The following PIEZO2 variants were observed in gnomAD, a reference collection of about 807,000 sequenced individuals.
The protein encoded by PIEZO2 is piezo type mechanosensitive ion channel component 2.
Under a neutral mutation model 337.3 loss-of-function variants are expected in PIEZO2, and 172 were observed. The observed-to-expected ratio is 0.51, with a 90% CI of 0.45 to 0.58. The LOEUF is 0.58. PIEZO2 is among the 20% of genes least tolerant of loss of function. The pLI is 0.00. For synonymous variants in PIEZO2, 1,251 were observed against 1,228.5 expected, an observed-to-expected ratio of 1.02 and a Z score of -0.38; for missense variants, 3,028 against 3,391.3, an observed-to-expected ratio of 0.89 and a Z score of 2.66.
At chr18:10,900,532 T>C (rs2043019003) in intron 4 of PIEZO2, among the ~76,000 whole-genome samples, 1 of 152,220 alleles carries the variant, frequency 6.6e-6, no homozygotes, top group South Asian at 2.1e-4. Context: ...AAGTCAGAAT[T>C]CTGGTTAAGT....
At chr18:10,751,104 T>C (rs892284456) in intron 28 of PIEZO2, among the ~76,000 whole-genome samples, 5 of 152,224 alleles carry the variant, frequency 3.3e-5, no homozygotes, top group African/African-American at 4.8e-5. Flanking sequence ...TTCTCAAAAA[T>C]GTTGTAATAA....
intron 2 of PIEZO2, among the ~76,000 whole-genome samples, chr18:11,051,868 T>C (rs1342600485): frequency 6.6e-6 from 1 of 152,188 alleles, no homozygotes; most frequent in Non-Finnish European, 1.5e-5. Context: ...GGAGGAAGCA[T>C]CTATGCCAGC....
chr18:10,678,574 A>G (rs2034118506), intron 52 of PIEZO2, among the ~76,000 whole-genome samples: 1 of 152,174 alleles, frequency 6.6e-6, no homozygotes, highest in African/African-American at 2.4e-5. Flanking sequence ...TGTGTGCCCA[A>G]ATAAGCTTGC....
intron 2 of PIEZO2, among the ~76,000 whole-genome samples, chr18:11,014,918 C>G (rs28370914): frequency 0.19 from 23,885 of 127,872 alleles, 2,339 homozygotes; most frequent in African/African-American, 0.27. Flanking sequence ...CTGGGTGGGA[C>G]AGCGATCCGG....
intron 1 of PIEZO2, among the ~76,000 whole-genome samples, chr18:11,074,532 G>A (rs1404960742): frequency 6.6e-6 from 1 of 152,122 alleles, no homozygotes; most frequent in African/African-American, 2.4e-5. Flanking sequence ...GAGATAACAA[G>A]TTATCAAGTG....
At chr18:10,674,858 A>G (rs116640658) in intron 54 of PIEZO2, among the ~76,000 whole-genome samples, 208 of 152,308 alleles carry the variant, frequency 1.4e-3, no homozygotes, top group African/African-American at 4.8e-3. Flanking sequence ...TACTGTTCTT[A>G]TTGTGAGGGG....
chr18:10,789,495 C>T (rs1240014991), intron 14 of PIEZO2, 130 bp from the exon 15 acceptor site: 6 of 1,106,986 alleles, frequency 5.4e-6, no homozygotes, highest in Admixed American at 6.3e-5. Flanking sequence ...TGATTTTAGA[C>T]TATTCTCATA....
chr18:10,858,260 T>G (rs1157558408), intron 5 of PIEZO2, among the ~76,000 whole-genome samples: 1 of 135,590 alleles, frequency 7.4e-6, no homozygotes, highest in African/African-American at 2.8e-5. Context: ...GAGGCGGAGG[T>G]TGCAGTGAGC....
rs1453430710 is a variant in PIEZO2, at chr18:10,854,790, C to T, written c.917+563G>A. Among the ~76,000 whole-genome samples the T allele has an allele frequency of 2.0e-5, 3 of 152,116 alleles. No individual in the cohort carries two copies. The highest frequency in any genetic ancestry group is 4.8e-5 in the African/African-American group (2 of 41,422). ...GTGCAGCGGTGTGATCATGGCTCAC[C>T]GCAGTCTTGACCTCCCAGGCTCAGG... On this transcript the variant is annotated intron_variant, in intron 7 of 55. Transcript: ENST00000674853. This position sits in a 1 kb window ranked among gnomAD's most constrained non-coding sequence, Gnocchi z 4.6.
At chr18:10,886,368 ATG>A (rs373877188) in intron 4 of PIEZO2, among the ~76,000 whole-genome samples, 453 of 7,564 alleles carry the variant, frequency 0.06, 85 homozygotes, top group Admixed American at 0.077. Context: ...ACACATATAT[ATG>A]TGTGTGTGTG....
intron 36 of PIEZO2, among the ~76,000 whole-genome samples, chr18:10,720,215 T>C (rs1465542787): frequency 6.9e-6 from 1 of 145,744 alleles, no homozygotes; most frequent in East Asian, 2.0e-4. Flanking sequence ...TATGTATATA[T>C]GAATATATGT....
chr18:11,122,203 C>T (rs572596243), intron 1 of PIEZO2, among the ~76,000 whole-genome samples: 6 of 152,326 alleles, frequency 3.9e-5, no homozygotes, highest in Non-Finnish European at 7.3e-5. Flanking sequence ...GATCCACCCG[C>T]CTCGGCCTCC....
In PIEZO2 at chr18:10,767,984, G is replaced by A. The variant is rs1026919164; in HGVS notation, c.2946+2164C>T. 2.6e-5 allele frequency among the ~76,000 whole-genome samples: 4 copies of A among 152,218 alleles called. No homozygotes were observed. The highest frequency in any genetic ancestry group is 9.7e-5 in the African/African-American group (4 of 41,446). ...AGTCACAACATCCCCATCCCAGGGG[G>A]CCTTGCCCTGAGCCTGTGAGTCTGA... is the stretch of plus-strand genomic sequence containing the variant. On this transcript the variant is annotated intron_variant, in intron 21 of 55. Transcript: ENST00000674853. The surrounding 1 kb of genome is among the most constrained non-coding windows in gnomAD (Gnocchi z 4.2).
chr18:10,691,500 A>G, intron 47 of PIEZO2, 117 bp from the exon 48 acceptor site: 4 of 1,055,884 alleles, frequency 3.8e-6, no homozygotes, highest in African/African-American at 1.6e-5. Context: ...TTCCAACTCA[A>G]TTCTAATGAA....
chr18:10,685,884 C>T (rs561898485), intron 49 of PIEZO2, among the ~76,000 whole-genome samples: 1 of 152,216 alleles, frequency 6.6e-6, no homozygotes, highest in Non-Finnish European at 1.5e-5. Flanking sequence ...CGAGATTGCG[C>T]CTTACTGGCC....
chr18:10,951,822 C>T (rs1235361031), intron 3 of PIEZO2, among the ~76,000 whole-genome samples: 3 of 152,174 alleles, frequency 2.0e-5, no homozygotes, highest in Admixed American at 2.0e-4. Context: ...ACTTATCTAT[C>T]ATTCCCTGGA....
At chr18:10,987,943 G>A (rs1305367491) in intron 2 of PIEZO2, among the ~76,000 whole-genome samples, 6 of 152,046 alleles carry the variant, frequency 3.9e-5, no homozygotes, top group South Asian at 2.1e-4. Flanking sequence ...AGAACTGGTC[G>A]ACATCACTAA....
intron 2 of PIEZO2, among the ~76,000 whole-genome samples, chr18:11,046,813 T>C (rs2037334659): frequency 6.6e-6 from 1 of 152,168 alleles, no homozygotes; most frequent in Non-Finnish European, 1.5e-5. Flanking sequence ...TGTGCAGTGC[T>C]CCGGCAGCCA....
intron 2 of PIEZO2, among the ~76,000 whole-genome samples, chr18:11,006,904 A>G (rs371228314): frequency 2.0e-5 from 3 of 152,272 alleles, no homozygotes; most frequent in East Asian, 3.9e-4. Flanking sequence ...TCATGGGTAC[A>G]TAATAGTTTG....
Sources: allele counts gnomAD v4.1 joint callset (sites outside exome capture counted in the v4.1 genomes callset), GRCh38; gene constraint gnomAD v4.1.1; non-coding constraint Gnocchi (gnomAD v3.1); transcripts MANE v1.5; gene names NCBI Gene and HGNC (gene_info 2026-07-23, HGNC 2026-07-21).